Variants in ODF2 observed in about 807,000 individuals in gnomAD.
The protein encoded by ODF2 is outer dense fiber of sperm tails 2.
Under a neutral mutation model 110.2 loss-of-function variants are expected in ODF2, and 47 were observed. That is an observed-to-expected ratio of 0.43 (90% confidence interval 0.34 to 0.54). The LOEUF (loss-of-function observed/expected upper bound fraction) is 0.54. Among genes scored for constraint, ODF2 ranks in the 20% least tolerant of loss-of-function variants. ODF2 has a pLI of 0.03. For missense variants in ODF2, 812 were observed against 1,054.5 expected, an observed-to-expected ratio of 0.77 and a Z score of 3.19; for synonymous variants, 352 against 397.7, an observed-to-expected ratio of 0.89 and a Z score of 1.37.
intron 14 of ODF2, among the ~76,000 whole-genome samples, chr9:128,490,504 C>T (rs1008112256): frequency 5.3e-5 from 8 of 152,068 alleles, no homozygotes; most frequent in East Asian, 1.9e-4. Flanking sequence ...AGGCTGGTCT[C>T]GAACTTCTGA....
Position 128,481,567 on chromosome 9 carries a change from C to T in ODF2, c.844-13C>T, listed in dbSNP as rs1293562088. ...CTTAATGACTTGACTTTTTCCTTTG[C>T]CTTTCTTTGAAGGATTCTGAAAGAC... On this transcript the variant is annotated splice_polypyrimidine_tract_variant and intron_variant, in intron 8 of 20. Transcript: ENST00000604420. 1 of 1,608,036 alleles carries T rather than the reference C, an allele frequency of 6.2e-7. No homozygotes were observed. Among genetic ancestry groups the T allele is most frequent in the Admixed American group, 1.7e-5 (1 of 59,192 alleles).
intron 14 of ODF2, among the ~76,000 whole-genome samples, chr9:128,491,433 G>T (rs1247010311): frequency 6.6e-6 from 1 of 151,766 alleles, no homozygotes; most frequent in Admixed American, 6.6e-5. Flanking sequence ...CGAGGTGGGC[G>T]GATCACTTGA....
intron 8 of ODF2, among the ~76,000 whole-genome samples, chr9:128,478,416 G>A (rs1410393561): frequency 5.3e-5 from 8 of 152,044 alleles, no homozygotes; most frequent in African/African-American, 1.7e-4. Context: ...TGGGCAACAC[G>A]GTGAAATCCC....
chr9:128,484,962 A>ATTT, intron 12 of ODF2, 76 bp downstream of exon 12: 1 of 924,736 alleles, frequency 1.1e-6, no homozygotes, highest in Non-Finnish European at 1.6e-6. Context: ...GGTCAGCCAG[A>ATTT]TGGGTAGCGG....
intron 3 of ODF2, chr9:128,460,183 G>A (rs1007184450): frequency 1.4e-5 from 18 of 1,301,376 alleles, no homozygotes; most frequent in African/African-American, 7.5e-5. Context: ...AGAAGGATCC[G>A]CCTGCTTTCC....
intron 9 of ODF2, 50 bp from the exon 10 acceptor site, chr9:128,482,766 G>C (rs1188161570): frequency 6.8e-7 from 1 of 1,472,050 alleles, no homozygotes; most frequent in Admixed American, 1.8e-5. Flanking sequence ...CCCTGGGCCG[G>C]GCCTCTTTGC....
chr9:128,460,801 G>A, intron 3 of ODF2, 135 bp downstream of exon 3: 4 of 1,514,430 alleles, frequency 2.6e-6, no homozygotes, highest in Non-Finnish European at 3.6e-6. Context: ...CTGGTTAGAA[G>A]GTAGGCAGGC....
chr9:128,467,406 A>G (rs1750853535), intron 4 of ODF2, among the ~76,000 whole-genome samples: 2 of 152,080 alleles, frequency 1.3e-5, no homozygotes, highest in South Asian at 2.1e-4. Context: ...ACATTTTCCT[A>G]TTTTTGTCAT....
chr9:128,457,515 G>A, intron 2 of ODF2: 2 of 1,479,206 alleles, frequency 1.4e-6, no homozygotes, highest in South Asian at 1.3e-5. Context: ...GCTCGCCTGA[G>A]GCTTCCAGCT....
intron 14 of ODF2, among the ~76,000 whole-genome samples, chr9:128,488,733 C>T (rs536836756): frequency 1.7e-4 from 26 of 152,008 alleles, no homozygotes; most frequent in Non-Finnish European, 2.8e-4. Flanking sequence ...AATAAGGGGC[C>T]GGGCTCACGT....
intron 9 of ODF2, among the ~76,000 whole-genome samples, chr9:128,481,905 G>T (rs570237209): frequency 1.9e-4 from 29 of 152,306 alleles, no homozygotes; most frequent in African/African-American, 6.7e-4. Context: ...TGTTGGATTT[G>T]TAAATCATCC....
At chr9:128,475,609 T>A (rs1233404081) in intron 8 of ODF2, among the ~76,000 whole-genome samples, 1 of 152,118 alleles carries the variant, frequency 6.6e-6, no homozygotes, top group East Asian at 1.9e-4. Context: ...CAGTTCCATC[T>A]CTGGCAACCA....
At chr9:128,487,617 C>A (rs1317683782) in intron 13 of ODF2, among the ~76,000 whole-genome samples, 1 of 152,074 alleles carries the variant, frequency 6.6e-6, no homozygotes, top group Non-Finnish European at 1.5e-5. Context: ...GAAACCCCGT[C>A]TCTACTAAAA....
At chr9:128,473,630 G>A (rs763317870) in exon 8 of ODF2, 21 of 1,613,258 alleles carry the variant, frequency 1.3e-5, no homozygotes, top group South Asian at 1.2e-4. Context: ...TGACCTGCAC[G>A]GACATCAACA....
At chr9:128,487,291 G>A (rs7856355) in intron 13 of ODF2, among the ~76,000 whole-genome samples, 3,711 of 152,224 alleles carry the variant, frequency 0.024, 157 homozygotes, top group African/African-American at 0.084. Context: ...AATTGTAGAT[G>A]GTTTCTTGGA....
chr9:128,487,312 T>C (rs961573605), intron 13 of ODF2, among the ~76,000 whole-genome samples: 2 of 152,068 alleles, frequency 1.3e-5, no homozygotes, highest in Non-Finnish European at 2.9e-5. Context: ...GGGGGAGGTA[T>C]GGGAGACACA....
intron 15 of ODF2, 82 bp from the exon 16 acceptor site, chr9:128,492,619 C>T: frequency 1.3e-6 from 2 of 1,535,726 alleles, no homozygotes; most frequent in Middle Eastern, 1.7e-4. Context: ...CAGGCCACTC[C>T]CAGGGAGGGT....
At chr9:128,460,719 C>G in intron 3 of ODF2, 53 bp downstream of exon 3, 1 of 1,603,438 alleles carries the variant, frequency 6.2e-7, no homozygotes, top group Non-Finnish European at 8.5e-7. Flanking sequence ...GGTGATCCTG[C>G]TAAGCCCAGC....
chr9:128,457,406 A>T (rs1259089963), exon 2 of ODF2: 3 of 1,612,946 alleles, frequency 1.9e-6, no homozygotes, highest in Non-Finnish European at 1.7e-6. Context: ...ATGCCTAGCC[A>T]TGTCTGCCTC....
Sources: gnomAD v4.1 joint callset for allele counts (sites outside exome capture counted in the v4.1 genomes callset) on GRCh38, gnomAD v4.1.1 for gene constraint, MANE v1.5 for transcripts, NCBI Gene and HGNC (gene_info 2026-07-23, HGNC 2026-07-21) for gene names.